Variants in KITLG observed in about 807,000 individuals in gnomAD.
KITLG encodes c-Kit ligand.
Under a neutral mutation model 34.1 loss-of-function variants are expected in KITLG, and 13 were observed. The ratio of observed to expected loss-of-function variants is 0.38; its 90% CI spans 0.25 to 0.61. KITLG has a LOEUF of 0.61. KITLG is among the 20% of genes least tolerant of loss of function. The pLI, the probability that KITLG is intolerant of heterozygous loss-of-function variation, is 0.60. For synonymous variants in KITLG, 110 were observed against 104.0 expected, an observed-to-expected ratio of 1.06 and a Z score of -0.35; for missense variants, 292 against 318.9, an observed-to-expected ratio of 0.92 and a Z score of 0.64.
chr12:88,531,430 G>T (rs1870086979), intron 3 of KITLG, among the ~76,000 whole-genome samples: 1 of 152,156 alleles, frequency 6.6e-6, no homozygotes, highest in Non-Finnish European at 1.5e-5. Context: ...AGCAAATATT[G>T]CACAATGGTA....
intron 8 of KITLG, among the ~76,000 whole-genome samples, chr12:88,505,939 C>A (rs1305354574): frequency 6.6e-6 from 1 of 152,086 alleles, no homozygotes. Context: ...GGAAGACGCT[C>A]CAAGAGCTGA....
chr12:88,521,960 A>C (rs1220740219), intron 3 of KITLG, among the ~76,000 whole-genome samples: 1 of 152,180 alleles, frequency 6.6e-6, no homozygotes, highest in Non-Finnish European at 1.5e-5. Flanking sequence ...ACTCAATGAT[A>C]TTGGACTGCT....
At chr12:88,536,330 A>C (rs960471753) in intron 2 of KITLG, among the ~76,000 whole-genome samples, 1 of 152,182 alleles carries the variant, frequency 6.6e-6, no homozygotes, top group African/African-American at 2.4e-5. Context: ...AGAAATGCAA[A>C]TCAAAACCAC....
rs772411738 is a variant in KITLG, at chr12:88,494,071, C to T, written c.*3148G>A. ...GGTCATATTGCAATAGGACTCACCC[C>T]TAAGGAGTGATCTCTGAGTTTACCA... On this transcript the variant is annotated 3_prime_UTR_variant, in exon 10 of 10. Transcript: ENST00000644744. 2.0e-5 allele frequency: 3 copies of T among 151,744 alleles called. No individual in the cohort carries two copies. Among genetic ancestry groups the T allele is most frequent in the Non-Finnish European group, 4.4e-5 (3 of 67,816 alleles). The allele number at this position is 151,744 out of a possible 1,614,324, so 9.4% of individuals were successfully genotyped here.
intron 9 of KITLG, among the ~76,000 whole-genome samples, chr12:88,503,737 A>T (rs1258198064): frequency 6.6e-6 from 1 of 151,970 alleles, no homozygotes; most frequent in African/African-American, 2.4e-5. Context: ...CCCTCCGCAG[A>T]CCCACACAGT....
intron 2 of KITLG, among the ~76,000 whole-genome samples, chr12:88,534,221 C>T (rs1422234640): frequency 6.6e-6 from 1 of 152,076 alleles, no homozygotes; most frequent in Non-Finnish European, 1.5e-5. Flanking sequence ...AACTCAGGTC[C>T]CTGGAGAGAA....
At chr12:88,501,957 A>G (rs1399182735) in intron 9 of KITLG, among the ~76,000 whole-genome samples, 1 of 152,164 alleles carries the variant, frequency 6.6e-6, no homozygotes, top group Non-Finnish European at 1.5e-5. Context: ...TATGGTTTTG[A>G]AAAGGGCACA....
chr12:88,580,163 G>A (rs1871967205), intron 1 of KITLG, 101 bp downstream of exon 1: 3 of 1,279,478 alleles, frequency 2.3e-6, no homozygotes, highest in Non-Finnish European at 2.2e-6. Flanking sequence ...GCACAGCCCT[G>A]CACGCCCCAG....
rs1868559576 is a variant in KITLG, at chr12:88,494,838, T to C, written c.*2381A>G. On this transcript the variant is annotated 3_prime_UTR_variant, in exon 10 of 10. Transcript: ENST00000644744. ...TACTATCTCAGCAGTGAGTTTTCCA[T>C]GATTTATGAAGAAGGATATTCAGAA... 6.6e-6 allele frequency: 1 copy of C among 152,090 alleles called. No homozygotes were observed. 9.4% of individuals were successfully genotyped at this position (152,090 alleles called of 1,614,324 possible). A position where few individuals can be genotyped will look rare whatever the true frequency, so the allele number is the denominator to read the frequency against.
At chr12:88,574,376 G>A (rs1203622563) in intron 1 of KITLG, among the ~76,000 whole-genome samples, 1 of 152,146 alleles carries the variant, frequency 6.6e-6, no homozygotes, top group Non-Finnish European at 1.5e-5. Context: ...AGGTAAGCAA[G>A]CACTGTTCCA....
intron 3 of KITLG, among the ~76,000 whole-genome samples, chr12:88,524,737 T>C (rs1315632248): frequency 6.6e-6 from 1 of 152,200 alleles, no homozygotes. Flanking sequence ...TGTGCTGTAG[T>C]ACAGTATACA....
In KITLG at chr12:88,496,242, T is replaced by C. The variant is rs1025774501; in HGVS notation, c.*977A>G. On this transcript the variant is annotated 3_prime_UTR_variant, in exon 10 of 10. Transcript: ENST00000644744. ...GTTTTCTAACCTTAGATACTAAATGTCATAATTTATTTTTAGGCTCTCCCA... is the reference window on the plus strand; with the variant it reads ...GTTTTCTAACCTTAGATACTAAATGCCATAATTTATTTTTAGGCTCTCCCA... 1 of 152,182 alleles carries C rather than the reference T, an allele frequency of 6.6e-6. No homozygotes were observed. Among genetic ancestry groups the C allele is most frequent in the African/African-American group, 2.4e-5 (1 of 41,464 alleles). The allele number at this position is 152,182 out of a possible 1,614,324, so 9.4% of individuals were successfully genotyped here. A position where few individuals can be genotyped will look rare whatever the true frequency, so the allele number is the denominator to read the frequency against.
At chr12:88,538,361 C>A (rs185571972) in intron 2 of KITLG, among the ~76,000 whole-genome samples, 2 of 151,908 alleles carry the variant, frequency 1.3e-5, no homozygotes, top group East Asian at 3.9e-4. Context: ...CAAGTTGCTT[C>A]TGCTTAGACA....
chr12:88,504,147 C>T (rs550962865), intron 9 of KITLG, among the ~76,000 whole-genome samples: 11 of 152,234 alleles, frequency 7.2e-5, no homozygotes, highest in African/African-American at 2.6e-4. Flanking sequence ...GATGAATCCA[C>T]TAGTCAGGAC....
At position 88,577,971 on chromosome 12, in the gene KITLG, G is replaced by A. The variant is rs146975140; in HGVS notation, c.15+2293C>T. Reference sequence around the variant, plus strand: ...AATAGAACCATGGTATTGATGCCATGTTTATAAATGACTATTTAAACTACT... The same window carrying A: ...AATAGAACCATGGTATTGATGCCATATTTATAAATGACTATTTAAACTACT... On this transcript the variant is annotated intron_variant, in intron 1 of 9. Coordinates refer to ENST00000644744, the MANE Select transcript of KITLG (RefSeq NM_000899.5). 4.6e-5 allele frequency among the ~76,000 whole-genome samples: 7 copies of A among 152,276 alleles called. No individual in the cohort carries two copies. In the East Asian group the frequency reaches 1.4e-3, roughly 29 times the overall value.
chr12:88,512,073 A>C (rs184399475), intron 6 of KITLG, among the ~76,000 whole-genome samples: 11 of 152,306 alleles, frequency 7.2e-5, no homozygotes, highest in African/African-American at 2.6e-4. Context: ...AATAGACATC[A>C]ACTCTGAGAT....
chr12:88,518,773 C>A lies in KITLG; in HGVS notation c.287G>T (p.Ser96Ile). 3 of 1,613,260 alleles carry A rather than the reference C, an allele frequency of 1.9e-6. No individual in the cohort carries two copies. Among genetic ancestry groups the A allele is most frequent in the Non-Finnish European group, 2.5e-6 (3 of 1,179,316 alleles). ...DKFSNISEGL[S>I]NYSIIDKLVN... is the part of the protein sequence containing the mutation. Reference sequence around the variant, plus strand: ...AAGTTTGTCTATGATGGAATAATTACTCAAGCCTTCAGAAATATTTGAAAA... The same window carrying A: ...AAGTTTGTCTATGATGGAATAATTAATCAAGCCTTCAGAAATATTTGAAAA... The change falls in exon 4 of 10, where the codon AGT (serine) becomes ATT (isoleucine). Residue 96 changes from serine to isoleucine, a missense_variant. Around this residue, in one of 2 missense-constraint regions of KITLG, gnomAD observed 152 missense variants for 207.9 expected, o/e 0.73. Coordinates refer to ENST00000644744, the MANE Select transcript of KITLG (RefSeq NM_000899.5).
At chr12:88,558,691 T>C (rs1871183860) in intron 1 of KITLG, among the ~76,000 whole-genome samples, 1 of 152,282 alleles carries the variant, frequency 6.6e-6, no homozygotes, top group Admixed American at 6.5e-5. Flanking sequence ...AAATACAGAT[T>C]CCTGCATGTC....
chr12:88,567,156 T>A (rs1871470272), intron 1 of KITLG, among the ~76,000 whole-genome samples: 1 of 152,216 alleles, frequency 6.6e-6, no homozygotes, highest in Admixed American at 6.5e-5. Context: ...TATTTGTTTT[T>A]CTTTTTCAAT....
Sources: gnomAD v4.1 joint callset for allele counts (sites outside exome capture counted in the v4.1 genomes callset) on GRCh38, gnomAD v4.1.1 for gene constraint, gnomAD v4.1.1 regional missense constraint, MANE v1.5 for transcripts, NCBI Gene and HGNC (gene_info 2026-07-23, HGNC 2026-07-21) for gene names.